Variants in HYDIN observed in about 807,000 individuals in gnomAD.
The protein encoded by HYDIN is HYDIN axonemal central pair apparatus protein.
Under a neutral mutation model 403.9 loss-of-function variants are expected in HYDIN, and 132 were observed. The ratio of observed to expected loss-of-function variants is 0.33; its 90% CI spans 0.28 to 0.38. The LOEUF (loss-of-function observed/expected upper bound fraction) is 0.38. Among genes scored for constraint, HYDIN ranks in the 10% least tolerant of loss-of-function variants. The pLI is 1.00. For missense variants in HYDIN, 2,827 were observed against 5,009.5 expected (o/e 0.56, Z 13.15); for synonymous variants, 1,202 against 1,891.7 (o/e 0.64, Z 9.46).
chr16:71,203,583 G>A (rs1557761), intron 1 of HYDIN: 4 of 378,644 alleles, frequency 1.1e-5, no homozygotes, highest in Non-Finnish European at 1.5e-5. Flanking sequence ...CAAGCACAGT[G>A]AAGTATGCTT....
chr16:71,080,358 T>TCTTTCATATAAACTGTTCC (rs1295403927), intron 12 of HYDIN: 1 of 151,446 alleles, frequency 6.6e-6, no homozygotes, highest in African/African-American at 2.5e-5. Context: ...TTGATACTAG[T>TCTTTCATATAAACTGTTCC]AATCCCTGTC....
chr16:70,951,403 C>T (rs12051078), intron 41 of HYDIN, among the ~76,000 whole-genome samples: 1 of 152,148 alleles, frequency 6.6e-6, no homozygotes, highest in Non-Finnish European at 1.5e-5. Flanking sequence ...TGCTTCTATA[C>T]TGGAAGCAGT....
chr16:71,082,349 A>ACTAACAATG lies in HYDIN; in HGVS notation c.1671-2406_1671-2398dup, dbSNP rs2082809848. On this transcript the variant is annotated intron_variant, in intron 12 of 85. Coordinates refer to ENST00000393567, the MANE Select transcript of HYDIN (RefSeq NM_001270974.2). ...TTAGTGGTTTGAAATGCTACAAACCACTAACAATGCAACACTATTGGACAA... is the reference window on the plus strand; with the variant it reads ...TTAGTGGTTTGAAATGCTACAAACCACTAACAATGCTAACAATGCAACACTATTGGACAA... Among the ~76,000 whole-genome samples, 5 of 152,256 alleles carry ACTAACAATG rather than the reference A, an allele frequency of 3.3e-5. No individual in the cohort carries two copies. The South Asian group carries it at 1.0e-3, about 32-fold the overall frequency.
chr16:70,973,017 A>G (rs1249807999), intron 35 of HYDIN, among the ~76,000 whole-genome samples: 2 of 152,252 alleles, frequency 1.3e-5, no homozygotes, highest in African/African-American at 2.4e-5. Flanking sequence ...GATATGCAAC[A>G]TGACTATTTT....
At position 70,991,319 on chromosome 16, in the gene HYDIN, T is replaced by A. The variant is rs1314344557; in HGVS notation, c.3863A>T (p.Asp1288Val). 6.2e-7 allele frequency: 1 copy of A among 1,614,058 alleles called. No individual in the cohort carries two copies. ...CTCCCCATGGAAAGGACACCGTACA[T>A]CTGAGATCACACTGGAAGCTTTCGT... ...RKTKASSVIS[D>V]EIKISSTEIE... The change falls in exon 25 of 86, where the codon GAT becomes GTT. Residue 1288 changes from aspartate to valine, a missense_variant and splice_region_variant. Transcript: ENST00000393567.
chr16:71,130,240 T>G (rs1283299880), intron 8 of HYDIN, among the ~76,000 whole-genome samples: 1 of 152,172 alleles, frequency 6.6e-6, no homozygotes, highest in African/African-American at 2.4e-5. Context: ...TAGCTGTTAG[T>G]TACCTGGAGC....
chr16:70,934,526 A>G (rs1266790058), intron 45 of HYDIN, among the ~76,000 whole-genome samples: 1 of 152,158 alleles, frequency 6.6e-6, no homozygotes, highest in East Asian at 1.9e-4. Context: ...ATTTTCTTTC[A>G]CTTCCTGAGA....
chr16:70,991,573 C>T (rs1263096930), intron 24 of HYDIN, among the ~76,000 whole-genome samples, 177 bp from the exon 25 acceptor site: 1 of 151,632 alleles, frequency 6.6e-6, no homozygotes, highest in Non-Finnish European at 1.5e-5. Context: ...CCCTGTTGCC[C>T]TATGCCCCCA....
intron 6 of HYDIN, among the ~76,000 whole-genome samples, chr16:71,154,936 G>A (rs1245602750): frequency 7.1e-6 from 1 of 141,062 alleles, no homozygotes; most frequent in Non-Finnish European, 1.5e-5. Flanking sequence ...TAGGTCAAGT[G>A]CTTAGAATAA....
At chr16:70,938,421 T>A (rs1567865755) in intron 44 of HYDIN, among the ~76,000 whole-genome samples, 193 bp downstream of exon 44, 1 of 152,204 alleles carries the variant, frequency 6.6e-6, no homozygotes, top group Admixed American at 6.5e-5. Context: ...GGAGAAACCC[T>A]GAATGGTGCA....
chr16:71,199,835 C>T lies in HYDIN; in HGVS notation c.-23-12917G>A, dbSNP rs1236039906. On this transcript the variant is annotated intron_variant, in intron 1 of 85. Transcript: ENST00000393567. ...ATGGCAAATTGTATGAAGCACAATACAAGTGTCAGAGGCGTGTGAACCAGA... is the reference window on the plus strand; with the variant it reads ...ATGGCAAATTGTATGAAGCACAATATAAGTGTCAGAGGCGTGTGAACCAGA... 4.6e-5 allele frequency among the ~76,000 whole-genome samples: 7 copies of T among 152,242 alleles called. No homozygotes were observed. The South Asian group carries it at 1.2e-3, about 27-fold the overall frequency.
chr16:71,139,036 A>G (rs539480154), intron 7 of HYDIN, among the ~76,000 whole-genome samples: 60 of 150,698 alleles, frequency 4.0e-4, no homozygotes, highest in Non-Finnish European at 6.5e-4. Flanking sequence ...GTGAGCCAAG[A>G]TCGTCCCATT....
intron 71 of HYDIN, among the ~76,000 whole-genome samples, chr16:70,859,238 A>T (rs1210047379): frequency 3.9e-5 from 6 of 152,022 alleles, no homozygotes; most frequent in South Asian, 4.2e-4. Flanking sequence ...GAGGCGGAGC[A>T]TGTAGTGAGC....
chr16:71,226,710 A>G (rs1469872907), intron 1 of HYDIN, among the ~76,000 whole-genome samples: 2 of 152,140 alleles, frequency 1.3e-5, no homozygotes, highest in African/African-American at 4.8e-5. Context: ...CCTGAAACTT[A>G]TATTTATCTT....
intron 4 of HYDIN, among the ~76,000 whole-genome samples, chr16:71,178,434 A>AATAT (rs1555501893): frequency 1.3e-3 from 122 of 94,528 alleles, no homozygotes; most frequent in African/African-American, 3.9e-3. Flanking sequence ...AAAAAAAAAA[A>AATAT]ATATATATAT....
At chr16:70,854,504 TC>T (rs574914198) in intron 73 of HYDIN, among the ~76,000 whole-genome samples, 1 of 152,110 alleles carries the variant, frequency 6.6e-6, no homozygotes, top group African/African-American at 2.4e-5. Flanking sequence ...AACCTATGCC[TC>T]CCGGGTTCAA....
intron 2 of HYDIN, 36 bp from the exon 3 acceptor site, chr16:71,185,026 A>C (rs1567423248): frequency 1.3e-6 from 2 of 1,500,554 alleles, no homozygotes; most frequent in Non-Finnish European, 1.8e-6. Flanking sequence ...AAGATTCTTA[A>C]GTGGATGTAC....
At position 70,974,615 on chromosome 16, in the gene HYDIN, G is replaced by C; in HGVS notation, c.4828C>G (p.Arg1610Gly). ...TTGATGATCTTGATGATGTGGGTTC[G>C]GACTTCGCCAAGGATGATGTAGCCA... ...DFGYIILGEV[R>G]THIIKIINTS... Residue 1610 changes from arginine (R) to glycine (G), a missense_variant, in exon 32 of 86, where the codon CGA becomes GGA. Coordinates refer to ENST00000393567, the MANE Select transcript of HYDIN (RefSeq NM_001270974.2). The C allele has an allele frequency of 7.0e-7, 1 of 1,432,630 alleles. No homozygotes were observed. Among genetic ancestry groups the C allele is most frequent in the Non-Finnish European group, 9.8e-7 (1 of 1,023,104 alleles). The allele number at this position is 1,432,630 out of a possible 1,614,324, so 88.7% of individuals were successfully genotyped here.
In HYDIN at chr16:70,896,098, A is replaced by C; in HGVS notation, c.9049-18T>G. The C allele has an allele frequency of 6.2e-7, 1 of 1,613,824 alleles. No homozygotes were observed. On this transcript the variant is annotated intron_variant, in intron 53 of 85. Coordinates refer to ENST00000393567, the MANE Select transcript of HYDIN (RefSeq NM_001270974.2). ...TCTAAAACCTGGCAGGGAAAGGGAA[A>C]GTCTTCAGTAAAAGCAAGACCTATA... is the stretch of plus-strand genomic sequence containing the variant.
Sources: gnomAD v4.1 joint callset for allele counts (sites outside exome capture counted in the v4.1 genomes callset) on GRCh38, gnomAD v4.1.1 for gene constraint, MANE v1.5 for transcripts, NCBI Gene and HGNC (gene_info 2026-07-23, HGNC 2026-07-21) for gene names.